The following LARP4 variants were observed in gnomAD, a reference collection of about 807,000 sequenced individuals.
The protein encoded by LARP4 is La ribonucleoprotein 4, also known as la-related protein 4.
A neutral mutation model predicts 92.9 loss-of-function variants in LARP4; 29 were observed. The ratio of observed to expected loss-of-function variants is 0.31; its 90% CI spans 0.23 to 0.43. LARP4 has a LOEUF of 0.43. LARP4 is among the 20% of genes least tolerant of loss of function. The probability of loss-of-function intolerance (pLI) is 1.00; values close to 1 mark genes in which losing one functional copy is unlikely to be tolerated. For synonymous variants in LARP4, 279 were observed against 284.1 expected (o/e 0.98, Z 0.18); for missense variants, 732 against 860.0 (o/e 0.85, Z 1.86).
intron 1 of LARP4, among the ~76,000 whole-genome samples, chr12:50,416,731 T>TAC (rs990120052): frequency 6.6e-6 from 1 of 152,102 alleles, no homozygotes; most frequent in African/African-American, 2.4e-5. Context: ...ACGCCTGTAA[T>TAC]CCCAGCACTT....
intron 1 of LARP4, among the ~76,000 whole-genome samples, chr12:50,403,460 ATTG>A (rs1255597313): frequency 6.6e-6 from 1 of 152,248 alleles, no homozygotes; most frequent in Non-Finnish European, 1.5e-5. Context: ...TGTCAAAAAT[ATTG>A]TTAACGTATT....
chr12:50,431,459 T>C (rs1207291571), intron 4 of LARP4, among the ~76,000 whole-genome samples: 4 of 152,212 alleles, frequency 2.6e-5, no homozygotes, highest in Non-Finnish European at 4.4e-5. Flanking sequence ...TTTGGCAAAA[T>C]AGTAAGGAGT....
At chr12:50,454,644 T>C (rs1953888541) in intron 10 of LARP4, 1 of 371,158 alleles carries the variant, frequency 2.7e-6, no homozygotes, top group Non-Finnish European at 4.8e-6. Flanking sequence ...TTTTTTTTAA[T>C]AATAAAAGAG....
intron 12 of LARP4, among the ~76,000 whole-genome samples, 188 bp from the exon 13 acceptor site, chr12:50,466,771 T>C (rs536210911): frequency 6.6e-6 from 1 of 152,148 alleles, no homozygotes; most frequent in South Asian, 2.1e-4. Flanking sequence ...TAAAGAAAAG[T>C]AGAATTGATA....
At chr12:50,436,169 T>A (rs1950427716) in intron 5 of LARP4, among the ~76,000 whole-genome samples, 1 of 63,930 alleles carries the variant, frequency 1.6e-5, no homozygotes, top group African/African-American at 3.4e-5. Flanking sequence ...TGTGTGTGTG[T>A]GTATGTATAT....
intron 1 of LARP4, among the ~76,000 whole-genome samples, chr12:50,409,623 C>T (rs1365684525): frequency 6.6e-6 from 1 of 151,770 alleles, no homozygotes; most frequent in Non-Finnish European, 1.5e-5. Flanking sequence ...AAAAATTAGG[C>T]GGGTATAGTG....
At chr12:50,422,764 A>G (rs553881172) in intron 1 of LARP4, among the ~76,000 whole-genome samples, 124 of 148,758 alleles carry the variant, frequency 8.3e-4, no homozygotes, top group Non-Finnish European at 1.5e-3. Flanking sequence ...CGCCAACTCT[A>G]TGCCAGTTGG....
intron 8 of LARP4, among the ~76,000 whole-genome samples, chr12:50,447,399 A>C (rs539110013): frequency 1.3e-5 from 2 of 152,340 alleles, no homozygotes; most frequent in Non-Finnish European, 2.9e-5. Flanking sequence ...AGCAACTTGC[A>C]GGGCAAAAGC....
intron 8 of LARP4, among the ~76,000 whole-genome samples, chr12:50,452,439 C>G (rs956425779): frequency 6.6e-6 from 1 of 152,124 alleles, no homozygotes; most frequent in South Asian, 2.1e-4. Context: ...GCCTCAACCT[C>G]TCAAAGTGCT....
chr12:50,469,362 T>C (rs1956606724), intron 13 of LARP4, among the ~76,000 whole-genome samples: 1 of 152,314 alleles, frequency 6.6e-6, no homozygotes, highest in South Asian at 2.1e-4. Flanking sequence ...CCCAGCACTT[T>C]GGGAGGCCGA....
At chr12:50,436,123 A>ATGTG (rs1224429640) in intron 5 of LARP4, among the ~76,000 whole-genome samples, 7 of 113,104 alleles carry the variant, frequency 6.2e-5, no homozygotes, top group Non-Finnish European at 8.9e-5. Flanking sequence ...TGTGTGTGAT[A>ATGTG]TGTGTGTGTG....
At position 50,437,760 on chromosome 12, in the gene LARP4, G is replaced by T; in HGVS notation, c.561G>T (p.Glu187Asp). The change falls in exon 6 of 16, where the codon GAG becomes GAT. Residue 187 changes from glutamate (E) to aspartate (D), a missense_variant. Around this residue, in one of 7 missense-constraint regions of LARP4, gnomAD observed 236 missense variants for 307.6 expected, o/e 0.77. Coordinates refer to ENST00000398473, the MANE Select transcript of LARP4 (RefSeq NM_052879.5). Reference sequence around the variant, plus strand: ...CTTCTCCCATGGTACAAGTTGATGAGAAGGGTGAGAAAGTGAGACCAAGTC... The same window carrying T: ...CTTCTCCCATGGTACAAGTTGATGATAAGGGTGAGAAAGTGAGACCAAGTC... ...LRSSPMVQVD[E>D]KGEKVRPSHK... 1 of 1,611,234 alleles carries T rather than the reference G, an allele frequency of 6.2e-7. No individual in the cohort carries two copies. Among genetic ancestry groups the T allele is most frequent in the Non-Finnish European group, 8.5e-7 (1 of 1,177,826 alleles).
At chr12:50,467,766 A>T (rs745603883) in intron 13 of LARP4, among the ~76,000 whole-genome samples, 1 of 152,138 alleles carries the variant, frequency 6.6e-6, no homozygotes, top group Non-Finnish European at 1.5e-5. Flanking sequence ...GAGATGCCTC[A>T]TCTTATGATT....
chr12:50,401,402 C>G, intron 1 of LARP4: 1 of 212,568 alleles, frequency 4.7e-6, no homozygotes, highest in Non-Finnish European at 9.4e-6. Flanking sequence ...TTCCGGGGGC[C>G]GAGCGCGGCC....
chr12:50,469,401 G>C (rs534145389), intron 13 of LARP4, among the ~76,000 whole-genome samples: 2 of 151,912 alleles, frequency 1.3e-5, no homozygotes, highest in African/African-American at 2.4e-5. Context: ...TCAGGAGATC[G>C]GGACCATCCT....
intron 8 of LARP4, among the ~76,000 whole-genome samples, chr12:50,450,020 G>A (rs189857066): frequency 9.3e-5 from 12 of 129,446 alleles, no homozygotes; most frequent in African/African-American, 3.2e-4. Context: ...TGCAACCTCC[G>A]CCTCCTGGGT....
At chr12:50,401,452 G>A (rs1251842064) in intron 1 of LARP4, among the ~76,000 whole-genome samples, 1 of 152,198 alleles carries the variant, frequency 6.6e-6, no homozygotes, top group Non-Finnish European at 1.5e-5. Context: ...CAACATGTGG[G>A]GCCACGGATG....
chr12:50,446,208 A>G (rs58723865), intron 8 of LARP4, among the ~76,000 whole-genome samples: 122,348 of 147,404 alleles, frequency 0.83, 53,416 homozygotes, highest in East Asian at 0.98. Context: ...GGGTTTCATC[A>G]TGTTAGCCAG....
chr12:50,402,927 A>T, intron 1 of LARP4: 1 of 395,918 alleles, frequency 2.5e-6, no homozygotes, highest in Admixed American at 3.2e-5. Flanking sequence ...TATGAGTTTT[A>T]TTGAAAATTA....
Sources: allele counts gnomAD v4.1 joint callset (sites outside exome capture counted in the v4.1 genomes callset), GRCh38; gene constraint gnomAD v4.1.1; regional missense constraint gnomAD v4.1.1; transcripts MANE v1.5; gene names NCBI Gene and HGNC (gene_info 2026-07-23, HGNC 2026-07-21).